Variants in PRKAG2 observed in about 807,000 individuals in gnomAD.
PRKAG2 encodes protein kinase AMP-activated non-catalytic subunit gamma 2.
A neutral mutation model predicts 69.6 loss-of-function variants in PRKAG2; 26 were observed. The ratio of observed to expected loss-of-function variants is 0.37; its 90% CI spans 0.27 to 0.52. PRKAG2 has a LOEUF of 0.52. Ranked by LOEUF, PRKAG2 falls within the 20% of genes least tolerant of loss-of-function variation. The pLI is 0.90. For synonymous variants in PRKAG2, 293 were observed against 285.0 expected (o/e 1.03, Z -0.28); for missense variants, 557 against 740.0 (o/e 0.75, Z 2.87).
chr7:151,713,168 G>A (rs1441870099), intron 3 of PRKAG2, among the ~76,000 whole-genome samples: 2 of 152,228 alleles, frequency 1.3e-5, no homozygotes, highest in African/African-American at 4.8e-5. Flanking sequence ...AAAACTCCCG[G>A]AAGGACAGGG....
rs2078958824 is a variant in PRKAG2 at position 151,828,627 on chromosome 7, G to A, written c.115-42086C>T. On this transcript the variant is annotated intron_variant, in intron 1 of 15. Transcript: ENST00000287878. This position sits in a 1 kb window ranked among gnomAD's most constrained non-coding sequence, Gnocchi z 4.6. ...CTCACCACGATATCAATATAAAACT[G>A]CCAATACTTGGGCCTGGCATGGTGG... Among the ~76,000 whole-genome samples the A allele has an allele frequency of 6.6e-6, 1 of 152,046 alleles. No homozygotes were observed. The highest frequency in any genetic ancestry group is 2.1e-4 in the South Asian group (1 of 4,824).
chr7:151,818,360 C>A (rs2078694047), intron 1 of PRKAG2, among the ~76,000 whole-genome samples: 1 of 148,054 alleles, frequency 6.8e-6, no homozygotes, highest in East Asian at 2.0e-4. Context: ...TCCCAGAAAT[C>A]TAGCACAAAT....
At chr7:151,697,684 C>T (rs966487410) in intron 3 of PRKAG2, among the ~76,000 whole-genome samples, 7 of 152,052 alleles carry the variant, frequency 4.6e-5, no homozygotes, top group South Asian at 2.1e-4. Context: ...AGAATGGGCA[C>T]GGCTGGGATA....
rs556124354 is a variant in PRKAG2 at position 151,784,665 on chromosome 7, C to T, written c.186+1805G>A. Among the ~76,000 whole-genome samples the T allele has an allele frequency of 3.3e-5, 5 of 152,240 alleles. No homozygotes were observed. The East Asian group carries it at 9.7e-4, about 30-fold the overall frequency. ...TCACGGGGGAAGTTGAGCCATGAGC[C>T]CCTGGAGAACCAGTCATGAAAGGCC... On this transcript the variant is annotated intron_variant, in intron 2 of 15. Coordinates refer to ENST00000287878, the MANE Select transcript of PRKAG2 (RefSeq NM_016203.4).
chr7:151,580,090 TC>T (rs1208036023), intron 6 of PRKAG2, among the ~76,000 whole-genome samples: 2 of 152,202 alleles, frequency 1.3e-5, no homozygotes, highest in African/African-American at 4.8e-5. Context: ...ATGCCTGTAA[TC>T]CCAGCACTTT....
intron 1 of PRKAG2, among the ~76,000 whole-genome samples, chr7:151,854,998 T>C (rs77908281): frequency 0.028 from 200 of 7,210 alleles, 4 homozygotes; most frequent in African/African-American, 0.049. Flanking sequence ...ACACACACCA[T>C]GCTCCACACA....
chr7:151,613,701 T>C (rs2151229871), intron 5 of PRKAG2, among the ~76,000 whole-genome samples: 1 of 151,668 alleles, frequency 6.6e-6, no homozygotes, highest in South Asian at 2.1e-4. Context: ...TTTCGCCACG[T>C]TGGTCAGGCT....
intron 5 of PRKAG2, among the ~76,000 whole-genome samples, chr7:151,630,264 G>A (rs896886421): frequency 6.6e-6 from 1 of 152,150 alleles, no homozygotes. Flanking sequence ...TTAGAGAAAT[G>A]CATAATTAAA....
At chr7:151,854,314 T>C (rs1181537208) in intron 1 of PRKAG2, among the ~76,000 whole-genome samples, 2 of 152,138 alleles carry the variant, frequency 1.3e-5, no homozygotes, top group South Asian at 4.1e-4. Context: ...CGAACACACG[T>C]GCACATGCAC....
chr7:151,715,007 A>G (rs1419959076), intron 3 of PRKAG2, among the ~76,000 whole-genome samples: 1 of 113,218 alleles, frequency 8.8e-6, no homozygotes, highest in Non-Finnish European at 1.8e-5. Context: ...ATTCTACCCA[A>G]TTAAAAGCAA....
chr7:151,558,073 G>A, intron 15 of PRKAG2: 1 of 985,174 alleles, frequency 1.0e-6, no homozygotes, highest in Non-Finnish European at 1.2e-6. Flanking sequence ...ATCTATTAGA[G>A]CGTGTGGCTG....
intron 3 of PRKAG2, among the ~76,000 whole-genome samples, chr7:151,740,552 G>T (rs1381113216): frequency 1.1e-4 from 16 of 152,242 alleles, no homozygotes; most frequent in Admixed American, 1.0e-3. Context: ...TGCTGGGACT[G>T]ACTGATAGAT....
At chr7:151,708,982 G>C (rs1839083060) in intron 3 of PRKAG2, among the ~76,000 whole-genome samples, 1 of 152,230 alleles carries the variant, frequency 6.6e-6, no homozygotes, top group South Asian at 2.1e-4. Flanking sequence ...ACCAGAAGCA[G>C]AGGGGCCGGA....
chr7:151,761,021 C>T (rs2075384190), intron 3 of PRKAG2, among the ~76,000 whole-genome samples: 1 of 152,188 alleles, frequency 6.6e-6, no homozygotes, highest in South Asian at 2.1e-4. Flanking sequence ...TAGGCAGTTG[C>T]AAAGCAGGTC....
At chr7:151,773,944 G>A (rs977303212) in intron 3 of PRKAG2, among the ~76,000 whole-genome samples, 1 of 152,206 alleles carries the variant, frequency 6.6e-6, no homozygotes, top group Non-Finnish European at 1.5e-5. Context: ...GAAGCGGCAG[G>A]AGAGGAACAC....
At chr7:151,666,740 C>G (rs1831101027) in intron 4 of PRKAG2, among the ~76,000 whole-genome samples, 1 of 152,144 alleles carries the variant, frequency 6.6e-6, no homozygotes. Flanking sequence ...CCTGCCTGGG[C>G]CTAATGAAAC....
chr7:151,584,493 A>C (rs1016908365), intron 6 of PRKAG2, among the ~76,000 whole-genome samples: 1 of 152,184 alleles, frequency 6.6e-6, no homozygotes, highest in South Asian at 2.1e-4. Flanking sequence ...AAATCTTCCA[A>C]AAAGTGGAAT....
intron 3 of PRKAG2, among the ~76,000 whole-genome samples, chr7:151,691,154 T>C (rs1028753525): frequency 4.6e-5 from 7 of 152,192 alleles, no homozygotes; most frequent in African/African-American, 1.7e-4. Context: ...CGATATAAAA[T>C]GGTGTAATAC....
intron 3 of PRKAG2, among the ~76,000 whole-genome samples, chr7:151,752,273 C>A (rs377589053): frequency 1.3e-5 from 2 of 152,130 alleles, no homozygotes; most frequent in Admixed American, 6.5e-5. Flanking sequence ...GAGCTGGAGG[C>A]GATCATCCTT....
Sources: gnomAD v4.1 joint callset for allele counts (sites outside exome capture counted in the v4.1 genomes callset) on GRCh38, gnomAD v4.1.1 for gene constraint, Gnocchi (gnomAD v3.1) non-coding constraint, MANE v1.5 for transcripts, NCBI Gene and HGNC (gene_info 2026-07-23, HGNC 2026-07-21) for gene names.